STIM2: variants seen among roughly 807,000 people sequenced by gnomAD.
STIM2 encodes stromal interaction molecule 2.
A neutral mutation model predicts 85.8 loss-of-function variants in STIM2; 31 were observed. That is an observed-to-expected ratio of 0.36 (90% confidence interval 0.27 to 0.49). The LOEUF (loss-of-function observed/expected upper bound fraction) is 0.49. Ranked by LOEUF, STIM2 falls within the 20% of genes least tolerant of loss-of-function variation. STIM2 has a pLI of 0.98. For missense variants in STIM2, 841 were observed against 927.6 expected (o/e 0.91, Z 1.21); for synonymous variants, 356 against 331.1 (o/e 1.08, Z -0.82).
intron 11 of STIM2, chr4:27,021,433 A>G (rs1728908595): frequency 2.2e-6 from 1 of 455,926 alleles, no homozygotes; most frequent in Admixed American, 2.4e-5. Flanking sequence ...AGTAGATAAC[A>G]CCAAGCAGAG....
At chr4:26,968,863 TA>T (rs1334753275) in intron 3 of STIM2, among the ~76,000 whole-genome samples, 19 of 152,130 alleles carry the variant, frequency 1.2e-4, no homozygotes, top group Admixed American at 1.2e-3. Context: ...CTGGGCTGCT[TA>T]AAAGACAAAA....
intron 2 of STIM2, among the ~76,000 whole-genome samples, chr4:26,951,657 T>TA (rs145923942): frequency 0.017 from 2,563 of 152,252 alleles, 78 homozygotes; most frequent in African/African-American, 0.059. Flanking sequence ...AATTCTGACT[T>TA]ACTAAAGTTT....
chr4:27,000,449 A>G (rs974862194), intron 5 of STIM2, among the ~76,000 whole-genome samples: 1 of 152,196 alleles, frequency 6.6e-6, no homozygotes, highest in Non-Finnish European at 1.5e-5. Context: ...GACTGAATCC[A>G]TTGGGGGATT....
intron 2 of STIM2, among the ~76,000 whole-genome samples, chr4:26,947,030 T>A (rs955106429): frequency 6.6e-6 from 1 of 152,222 alleles, no homozygotes; most frequent in African/African-American, 2.4e-5. Context: ...AAATGCATTA[T>A]CATAAGTGAG....
chr4:26,915,654 G>A (rs1304781803), intron 1 of STIM2, among the ~76,000 whole-genome samples: 1 of 152,218 alleles, frequency 6.6e-6, no homozygotes, highest in Admixed American at 6.5e-5. Flanking sequence ...TAATAATGGT[G>A]TTGATAGCTG....
intron 1 of STIM2, among the ~76,000 whole-genome samples, chr4:26,899,995 A>G (rs2109051336): frequency 6.6e-6 from 1 of 152,224 alleles, no homozygotes; most frequent in South Asian, 2.1e-4. Context: ...GTATCTATCT[A>G]TTTCATATAG....
intron 9 of STIM2, 74 bp from the exon 10 acceptor site, chr4:27,008,690 A>C (rs1728457947): frequency 7.1e-7 from 1 of 1,411,886 alleles, no homozygotes; most frequent in African/African-American, 1.4e-5. Context: ...TGGTCTGTTC[A>C]TGTATTGCCT....
At chr4:26,953,110 T>C (rs1433257874) in intron 2 of STIM2, among the ~76,000 whole-genome samples, 1 of 152,162 alleles carries the variant, frequency 6.6e-6, no homozygotes, top group Non-Finnish European at 1.5e-5. Context: ...TGGGAAAGTC[T>C]CTGCTTACAT....
At chr4:26,896,331 A>G (rs1000701498) in intron 1 of STIM2, among the ~76,000 whole-genome samples, 16 of 152,234 alleles carry the variant, frequency 1.1e-4, no homozygotes, top group Non-Finnish European at 2.9e-5. Context: ...TCTGAATTAC[A>G]TTTGTAAAAT....
rs1722133990 is a variant in STIM2 at position 26,860,843 on chromosome 4, A to G, written c.-376A>G. On this transcript the variant is annotated 5_prime_UTR_variant, in exon 1 of 12. Coordinates refer to ENST00000467087, the MANE Select transcript of STIM2 (RefSeq NM_020860.4). ...TGGGGTTGGTGTTTGGCGGCGCCAGAGCAGCGGATCCCGGTCTCGCCGCAG... is the reference window on the plus strand; with the variant it reads ...TGGGGTTGGTGTTTGGCGGCGCCAGGGCAGCGGATCCCGGTCTCGCCGCAG... 1 of 670,182 alleles carries G rather than the reference A, an allele frequency of 1.5e-6. No homozygotes were observed. Among genetic ancestry groups the G allele is most frequent in the African/African-American group, 2.2e-5 (1 of 46,442 alleles). The allele number at this position is 670,182 out of a possible 1,614,324, so 41.5% of individuals were successfully genotyped here. A position where few individuals can be genotyped will look rare whatever the true frequency, so the allele number is the denominator to read the frequency against.
At chr4:26,973,361 C>G (rs571203011) in intron 3 of STIM2, among the ~76,000 whole-genome samples, 3 of 152,264 alleles carry the variant, frequency 2.0e-5, no homozygotes, top group Non-Finnish European at 2.9e-5. Flanking sequence ...TTCCTGCTTT[C>G]TCTTGTGGGC....
rs1239987624 is a variant in STIM2, at chr4:27,008,715, A to G, written c.1251-49A>G. 4 of 1,576,830 alleles carry G rather than the reference A, an allele frequency of 2.5e-6. No individual in the cohort carries two copies. In the African/African-American group the frequency reaches 4.1e-5, roughly 16 times the overall value. ...ATGTATTGCCTTTTTTCAGTGCCAT[A>G]TTAAAGACCTTTTGATGCAGTAAGT... is the stretch of plus-strand genomic sequence containing the variant. On this transcript the variant is annotated intron_variant, in intron 9 of 11. Transcript: ENST00000467087.
At chr4:26,959,721 T>G (rs1362023749) in intron 3 of STIM2, among the ~76,000 whole-genome samples, 3 of 152,224 alleles carry the variant, frequency 2.0e-5, no homozygotes, top group East Asian at 3.9e-4. Flanking sequence ...GATTTTTTTT[T>G]TTTTTAAGCT....
intron 3 of STIM2, among the ~76,000 whole-genome samples, chr4:26,993,664 A>G (rs1262027193): frequency 6.6e-6 from 1 of 152,296 alleles, no homozygotes; most frequent in Non-Finnish European, 1.5e-5. Context: ...TTAAATGCAG[A>G]CAGTATAGAA....
intron 2 of STIM2, among the ~76,000 whole-genome samples, chr4:26,933,064 AAG>A (rs1310700207): frequency 6.6e-6 from 1 of 152,120 alleles, no homozygotes; most frequent in African/African-American, 2.4e-5. Context: ...GAAAACATAA[AAG>A]AGCTTGTGGG....
At chr4:26,992,964 C>T (rs1336287761) in intron 3 of STIM2, among the ~76,000 whole-genome samples, 1 of 152,078 alleles carries the variant, frequency 6.6e-6, no homozygotes, top group African/African-American at 2.4e-5. Flanking sequence ...TTAATATGTT[C>T]TTTTTCATTT....
At chr4:26,945,488 A>G (rs1344377041) in intron 2 of STIM2, among the ~76,000 whole-genome samples, 1 of 152,118 alleles carries the variant, frequency 6.6e-6, no homozygotes, top group Non-Finnish European at 1.5e-5. Context: ...ACTAGTTTGA[A>G]TGGTATTTCT....
intron 3 of STIM2, among the ~76,000 whole-genome samples, chr4:26,991,269 C>G (rs572169054): frequency 6.6e-6 from 1 of 151,940 alleles, no homozygotes; most frequent in Non-Finnish European, 1.5e-5. Context: ...AATAAAATCC[C>G]GTTATTTACA....
chr4:26,900,524 A>G (rs2109051727), intron 1 of STIM2, among the ~76,000 whole-genome samples: 2 of 152,334 alleles, frequency 1.3e-5, no homozygotes, highest in East Asian at 3.9e-4. Context: ...TAATACAGTA[A>G]GAAGTAAAGT....
Sources: gnomAD v4.1 joint callset for allele counts (sites outside exome capture counted in the v4.1 genomes callset) on GRCh38, gnomAD v4.1.1 for gene constraint, MANE v1.5 for transcripts, NCBI Gene and HGNC (gene_info 2026-07-23, HGNC 2026-07-21) for gene names.